Variants in PRH1 observed in about 807,000 individuals in gnomAD.
The protein encoded by PRH1 is salivary acidic proline-rich phosphoprotein 1/2.
PRH1 carries 7 observed loss-of-function variants against 7.9 expected under a neutral mutation model. The ratio of observed to expected loss-of-function variants is 0.89; its 90% CI spans 0.50 to 1.67. The LOEUF is 1.67. Among genes scored for constraint, PRH1 ranks in the 40% most tolerant of loss-of-function variants. PRH1 has a pLI of 0.00. For missense variants in PRH1, 109 were observed against 223.6 expected, an observed-to-expected ratio of 0.49 and a Z score of 3.27; for synonymous variants, 45 against 80.8, an observed-to-expected ratio of 0.56 and a Z score of 2.38.
chr12:11,120,274 G>A (rs1945856360), downstream of PRH1, among the ~76,000 whole-genome samples: 1 of 152,156 alleles, frequency 6.6e-6, no homozygotes, highest in Non-Finnish European at 1.5e-5. Flanking sequence ...TGTCCTCACT[G>A]TGCTTGATGA....
intron 1 of PRH1, among the ~76,000 whole-genome samples, chr12:11,101,633 T>C (rs1436618056): frequency 1.3e-5 from 2 of 152,210 alleles, no homozygotes; most frequent in Non-Finnish European, 2.9e-5. Flanking sequence ...AGAAATGTAC[T>C]TTAGGTTTCT....
chr12:11,141,889 G>C (rs1257962006), intron 1 of PRH1, among the ~76,000 whole-genome samples: 3 of 152,174 alleles, frequency 2.0e-5, no homozygotes. Context: ...TTGGGCCCAA[G>C]TGGTCCTCCC....
chr12:10,900,782 C>T (rs1323396666), intron 2 of PRH1, among the ~76,000 whole-genome samples: 1 of 152,206 alleles, frequency 6.6e-6, no homozygotes, highest in East Asian at 1.9e-4. Flanking sequence ...TCAGCAGCTT[C>T]ATCTGCTCCA....
At chr12:10,942,143 T>C (rs938650954) in intron 2 of PRH1, among the ~76,000 whole-genome samples, 1 of 152,126 alleles carries the variant, frequency 6.6e-6, no homozygotes, top group African/African-American at 2.4e-5. Flanking sequence ...TGAAATGGAC[T>C]CTGTGAGGGT....
chr12:11,060,690 A>G (rs1374205846), intron 1 of PRH1, among the ~76,000 whole-genome samples: 2 of 152,098 alleles, frequency 1.3e-5, no homozygotes, highest in Non-Finnish European at 2.9e-5. Context: ...TAAATCTAAT[A>G]TTCCTCAGAA....
chr12:11,133,258 T>C, intron 1 of PRH1: 2 of 1,564,084 alleles, frequency 1.3e-6, no homozygotes, highest in Non-Finnish European at 1.7e-6. Flanking sequence ...ATATAAAATG[T>C]TTCATACACC....
intron 1 of PRH1, chr12:11,133,305 C>T (rs1035968442): frequency 3.1e-6 from 5 of 1,611,990 alleles, no homozygotes; most frequent in Non-Finnish European, 4.2e-6. Context: ...CACAATGCCC[C>T]TCTTGTGAAT....
intron 2 of PRH1, among the ~76,000 whole-genome samples, chr12:10,966,354 C>T (rs1432859076): frequency 6.6e-6 from 1 of 152,230 alleles, no homozygotes; most frequent in Non-Finnish European, 1.5e-5. Flanking sequence ...TGAGTACACT[C>T]ACATAGCTTG....
downstream of PRH1, among the ~76,000 whole-genome samples, chr12:11,117,900 C>T (rs958313971): frequency 1.3e-5 from 2 of 152,156 alleles, no homozygotes; most frequent in Non-Finnish European, 2.9e-5. Context: ...TATATCTATA[C>T]AAATATCAAA....
At position 11,084,175 on chromosome 12, in the gene PRH1, T is replaced by G. The variant is rs1005779597; in HGVS notation, n.124-36987A>C. 2.0e-4 allele frequency among the ~76,000 whole-genome samples: 24 copies of G among 118,524 alleles called. 4 individuals carry two copies. The highest frequency in any genetic ancestry group is 6.5e-4 in the African/African-American group (23 of 35,386). The allele number at this position is 118,524 out of a possible 152,430, so 77.8% of individuals were successfully genotyped here. A position where few individuals can be genotyped will look rare whatever the true frequency, so the allele number is the denominator to read the frequency against. ...ATTAAAAACTCCTTCCCTCCTTTGT[T>G]CCGTGGGCTCTTGGGATTGTAACGG... is the stretch of plus-strand genomic sequence containing the variant. On this transcript the variant is annotated intron_variant and non_coding_transcript_variant, in intron 1 of 4. Transcript: ENST00000541977.
chr12:11,122,773 C>G (rs1291009281), intron 1 of PRH1, among the ~76,000 whole-genome samples: 1 of 152,014 alleles, frequency 6.6e-6, no homozygotes, highest in African/African-American at 2.4e-5. Flanking sequence ...TGGAAAATTT[C>G]TCCTAATTAA....
intron 1 of PRH1, among the ~76,000 whole-genome samples, chr12:11,013,261 A>G (rs920557564): frequency 1.3e-5 from 2 of 152,174 alleles, no homozygotes; most frequent in East Asian, 3.9e-4. Flanking sequence ...TAGACAAAAG[A>G]ACAATGAAAC....
At chr12:11,133,146 T>C (rs2136368348) in intron 1 of PRH1, 138 of 975,836 alleles carry the variant, frequency 1.4e-4, no homozygotes, top group Non-Finnish European at 1.9e-4. Flanking sequence ...CACACACATC[T>C]ATATATATGT....
At chr12:11,158,295 T>G (rs941405544) in intron 1 of PRH1, among the ~76,000 whole-genome samples, 1 of 152,154 alleles carries the variant, frequency 6.6e-6, no homozygotes, top group African/African-American at 2.4e-5. Flanking sequence ...ATTACAGTAG[T>G]CAAAGTAGCA....
chr12:11,134,078 A>G (rs759390205), intron 1 of PRH1: 13 of 1,614,114 alleles, frequency 8.1e-6, no homozygotes, highest in Non-Finnish European at 1.1e-5. Context: ...GAGCAAACCA[A>G]CTCTGGAGAC....
chr12:11,069,146 G>A (rs1249363222), intron 1 of PRH1, among the ~76,000 whole-genome samples: 1 of 149,350 alleles, frequency 6.7e-6, no homozygotes, highest in African/African-American at 2.5e-5. Context: ...TCCAATAATT[G>A]TGCTCAAGAA....
At chr12:11,035,176 C>T (rs1203328391) in intron 1 of PRH1, among the ~76,000 whole-genome samples, 1 of 151,818 alleles carries the variant, frequency 6.6e-6, no homozygotes, top group African/African-American at 2.4e-5. Context: ...TGTCTGAAGT[C>T]TGATAGTTTC....
At chr12:11,013,476 T>C (rs1343041282) in intron 1 of PRH1, among the ~76,000 whole-genome samples, 1 of 152,218 alleles carries the variant, frequency 6.6e-6, no homozygotes, top group East Asian at 1.9e-4. Context: ...TAGAGCTAAA[T>C]GTAAAAAGTG....
chr12:10,996,039 A>G (rs1940210612), intron 1 of PRH1, among the ~76,000 whole-genome samples: 1 of 152,096 alleles, frequency 6.6e-6, no homozygotes, highest in African/African-American at 2.4e-5. Flanking sequence ...ACATAAAATA[A>G]GAATTCATCA....
Sources: allele counts gnomAD v4.1 joint callset (sites outside exome capture counted in the v4.1 genomes callset), GRCh38; gene constraint gnomAD v4.1.1; transcripts MANE v1.5; gene names NCBI Gene and HGNC (gene_info 2026-07-23, HGNC 2026-07-21).